Variants in COL4A2 observed in about 807,000 individuals in gnomAD.
COL4A2 encodes collagen alpha-2(IV) chain.
COL4A2 carries 99 observed loss-of-function variants against 200.2 expected under a neutral mutation model. That is an observed-to-expected ratio of 0.49 (90% CI 0.42 to 0.58). The LOEUF is 0.58. Ranked by LOEUF, COL4A2 falls within the 20% of genes least tolerant of loss-of-function variation. The pLI is 0.00. For synonymous variants in COL4A2, 897 were observed against 900.6 expected (o/e 1.00, Z 0.07); for missense variants, 1,950 against 2,314.1 (o/e 0.84, Z 3.23).
intron 4 of COL4A2, among the ~76,000 whole-genome samples, 193 bp downstream of exon 4, chr13:110,357,745 T>C (rs767509983): frequency 1.1e-4 from 17 of 152,186 alleles, no homozygotes; most frequent in Admixed American, 2.0e-4. Flanking sequence ...CTGTTGCTAC[T>C]AGGCTACAAA....
intron 47 of COL4A2, among the ~76,000 whole-genome samples, chr13:110,510,269 G>A (rs947792598): frequency 6.6e-6 from 1 of 152,246 alleles, no homozygotes; most frequent in South Asian, 2.1e-4. Flanking sequence ...CGCCACGTGG[G>A]AGGGAGGACA....
Position 110,504,008 on chromosome 13 carries a change from TG to T in COL4A2, c.4285+19del. On this transcript the variant is annotated intron_variant, in intron 44 of 47. Transcript: ENST00000360467. The stretch of plus-strand genomic sequence containing the variant: ...CGGAGAACCAGGTAGAGTGCTGAGC[TG>T]GGGCCTGGAGCCCCTCGGGGCTGCC... 1 of 1,554,588 alleles carries T rather than the reference TG, an allele frequency of 6.4e-7. No homozygotes were observed. Among genetic ancestry groups the T allele is most frequent in the Non-Finnish European group, 8.7e-7 (1 of 1,153,030 alleles).
At chr13:110,458,219 G>A (rs987963897) in intron 21 of COL4A2, 1 of 432,958 alleles carries the variant, frequency 2.3e-6, no homozygotes, top group Non-Finnish European at 4.7e-6. Context: ...GGCATCCTCT[G>A]TGCCCTGGGG....
chr13:110,333,074 C>G (rs929541547), intron 3 of COL4A2, among the ~76,000 whole-genome samples: 1 of 152,206 alleles, frequency 6.6e-6, no homozygotes, highest in Non-Finnish European at 1.5e-5. Context: ...TCAGCCCCAT[C>G]ATCCTAAGGA....
chr13:110,341,201 G>A lies in COL4A2; in HGVS notation c.100-16271G>A, dbSNP rs146408799. 6.4e-3 allele frequency among the ~76,000 whole-genome samples: 978 copies of A among 152,344 alleles called. 25 individuals carry two copies. The highest frequency in any genetic ancestry group is 0.051 in the Admixed American group (781 of 15,310). On this transcript the variant is annotated intron_variant, in intron 3 of 47. Transcript: ENST00000360467. ...CCCATTTTAAAACACATCCAAGCGC[G>A]TGGCGTCATCGGGACGACGGGCTTC...
intron 11 of COL4A2, 70 bp downstream of exon 11, chr13:110,432,430 T>C: frequency 6.6e-7 from 1 of 1,521,732 alleles, no homozygotes. Context: ...GTTTGTTTTT[T>C]ACCATAAAAC....
intron 3 of COL4A2, among the ~76,000 whole-genome samples, chr13:110,345,995 C>A (rs931671304): frequency 2.0e-5 from 3 of 152,118 alleles, no homozygotes; most frequent in African/African-American, 7.2e-5. Context: ...GGGATCCTGC[C>A]CACACCCAGC....
chr13:110,459,914 C>A (rs1881956798), intron 22 of COL4A2, among the ~76,000 whole-genome samples: 1 of 152,062 alleles, frequency 6.6e-6, no homozygotes, highest in Non-Finnish European at 1.5e-5. Flanking sequence ...AGGTGTGGAC[C>A]CCACACACAT....
chr13:110,506,566 G>A lies in COL4A2; in HGVS notation c.4554G>A (p.Leu1518=), dbSNP rs752409309. 4 of 1,613,114 alleles carry A rather than the reference G, an allele frequency of 2.5e-6. No homozygotes were observed. The highest frequency in any genetic ancestry group is 3.4e-6 in the Non-Finnish European group (4 of 1,179,662). ...MNKLWSGYSL[L]YFEGQEKAHN... ...AACTCTGGAGTGGATACAGCCTGCT[G>A]TACTTCGAGGGCCAGGAGAAGGCGC... The change falls in exon 46 of 48, where the codon CTG becomes CTA. Residue 1518 remains leucine (L), a synonymous_variant. Coordinates refer to ENST00000360467, the MANE Select transcript of COL4A2 (RefSeq NM_001846.4).
At chr13:110,317,169 C>T (rs989474988) in intron 3 of COL4A2, among the ~76,000 whole-genome samples, 1 of 151,530 alleles carries the variant, frequency 6.6e-6, no homozygotes, top group African/African-American at 2.4e-5. Context: ...TGCACACACA[C>T]ATGCACATAG....
chr13:110,360,813 G>C (rs907175977), intron 4 of COL4A2, among the ~76,000 whole-genome samples: 4 of 151,798 alleles, frequency 2.6e-5, no homozygotes, highest in Admixed American at 1.3e-4. Flanking sequence ...GGCCTGGACT[G>C]TGGGATCCAC....
chr13:110,474,572 A>ACACG (rs60673441), intron 29 of COL4A2, among the ~76,000 whole-genome samples: 45,332 of 151,884 alleles, frequency 0.3, 6,829 homozygotes, highest in East Asian at 0.42. Context: ...ACACACACAC[A>ACACG]TTCACGGTCA....
At chr13:110,409,501 C>G (rs528562991) in intron 4 of COL4A2, among the ~76,000 whole-genome samples, 2 of 152,248 alleles carry the variant, frequency 1.3e-5, no homozygotes, top group African/African-American at 2.4e-5. Context: ...GGAAGCGTAT[C>G]GGGAGCAGCA....
At chr13:110,368,226 T>C (rs1877838453) in intron 4 of COL4A2, among the ~76,000 whole-genome samples, 1 of 152,198 alleles carries the variant, frequency 6.6e-6, no homozygotes, top group Admixed American at 6.5e-5. Flanking sequence ...TAGACTTTAC[T>C]GGTAACTTAA....
At chr13:110,378,978 T>G (rs1048253395) in intron 4 of COL4A2, among the ~76,000 whole-genome samples, 2 of 152,178 alleles carry the variant, frequency 1.3e-5, no homozygotes, top group Non-Finnish European at 2.9e-5. Flanking sequence ...AAAGGGGAGA[T>G]CATGGAGCCG....
At chr13:110,507,490 G>A (rs1382248166) in intron 46 of COL4A2, 3 of 180,814 alleles carry the variant, frequency 1.7e-5, no homozygotes, top group African/African-American at 7.0e-5. Context: ...GGAGATAAAG[G>A]CTATCTTAGT....
At chr13:110,504,319 A>G (rs1430266245) in intron 45 of COL4A2, 55 bp downstream of exon 45, 1 of 1,441,342 alleles carries the variant, frequency 6.9e-7, no homozygotes, top group African/African-American at 1.4e-5. Context: ...GATCTGACTC[A>G]CAGACTGTGG....
chr13:110,361,936 G>A (rs753926069), intron 4 of COL4A2, among the ~76,000 whole-genome samples: 3 of 152,182 alleles, frequency 2.0e-5, no homozygotes, highest in Non-Finnish European at 4.4e-5. Context: ...GAGGGAAATG[G>A]CCTCTGCAAA....
chr13:110,398,817 G>A (rs573450445), intron 4 of COL4A2, among the ~76,000 whole-genome samples: 1 of 151,974 alleles, frequency 6.6e-6, no homozygotes, highest in Admixed American at 6.5e-5. Context: ...TGGAGTTGGA[G>A]ATCATCTAGT....
Sources: gnomAD v4.1 joint callset for allele counts (sites outside exome capture counted in the v4.1 genomes callset) on GRCh38, gnomAD v4.1.1 for gene constraint, MANE v1.5 for transcripts, NCBI Gene and HGNC (gene_info 2026-07-23, HGNC 2026-07-21) for gene names.